Variants in ITK observed in about 807,000 individuals in gnomAD.
ITK encodes the protein IL2 inducible T cell kinase, also known as tyrosine-protein kinase ITK/TSK.
ITK carries 45 observed loss-of-function variants against 87.6 expected under a neutral mutation model. The ratio of observed to expected loss-of-function variants is 0.51; its 90% CI spans 0.40 to 0.66. The LOEUF is 0.66. Among genes scored for constraint, ITK ranks in the 30% least tolerant of loss-of-function variants. The pLI is 0.00. For missense variants in ITK, 605 were observed against 766.3 expected (o/e 0.79, Z 2.48); for synonymous variants, 303 against 273.6 (o/e 1.11, Z -1.06).
Position 157,252,619 on chromosome 5 carries a change from C to A in ITK, c.1804C>A (p.Arg602=). ...NHCWKERPED[R]PAFSRLLRQL... Reference sequence around the variant, plus strand: ...TTTCCCTCTCCAGAGACCAGAAGATCGGCCAGCCTTCTCCAGACTGCTGCG... The same window carrying A: ...TTTCCCTCTCCAGAGACCAGAAGATAGGCCAGCCTTCTCCAGACTGCTGCG... Residue 602 remains arginine (R), a synonymous_variant, in exon 17 of 17, where the codon CGG becomes AGG. Transcript: ENST00000422843. 6.2e-7 allele frequency: 1 copy of A among 1,613,784 alleles called. No homozygotes were observed. Among genetic ancestry groups the A allele is most frequent in the Non-Finnish European group, 8.5e-7 (1 of 1,179,642 alleles).
At chr5:157,222,426 G>A (rs1580893852) in intron 5 of ITK, among the ~76,000 whole-genome samples, 1 of 152,140 alleles carries the variant, frequency 6.6e-6, no homozygotes, top group East Asian at 1.9e-4. Flanking sequence ...AAATGAAAAA[G>A]TGTATTAAGT....
At chr5:157,204,310 C>A (rs1016332782) in intron 1 of ITK, among the ~76,000 whole-genome samples, 1 of 152,210 alleles carries the variant, frequency 6.6e-6, no homozygotes, top group Non-Finnish European at 1.5e-5. Context: ...CCTGTAATCC[C>A]AGCACTTTGG....
At chr5:157,215,104 T>C (rs1754272746) in intron 4 of ITK, among the ~76,000 whole-genome samples, 1 of 152,200 alleles carries the variant, frequency 6.6e-6, no homozygotes, top group African/African-American at 2.4e-5. Context: ...CTCAACCATC[T>C]GGGGTACATG....
chr5:157,227,716 A>G (rs1215337797), intron 6 of ITK, among the ~76,000 whole-genome samples: 1 of 151,668 alleles, frequency 6.6e-6, no homozygotes, highest in Admixed American at 6.6e-5. Context: ...CAGCAAACAG[A>G]GCTTTTTAAG....
At chr5:157,190,883 T>C (rs78969277) in intron 1 of ITK, among the ~76,000 whole-genome samples, 12,237 of 152,232 alleles carry the variant, frequency 0.08, 524 homozygotes, top group South Asian at 0.12. Flanking sequence ...CTGCAGGCCC[T>C]TGTGGATCAT....
chr5:157,222,945 G>A lies in ITK; in HGVS notation c.578G>A (p.Arg193Gln), dbSNP rs17054374. The change falls in exon 6 of 17, where the codon CGG becomes CAG. Residue 193 changes from arginine to glutamine, a missense_variant. By Grantham distance (43) the Arg-to-Gln change is conservative. Coordinates refer to ENST00000422843, the MANE Select transcript of ITK (RefSeq NM_005546.4). ...AATGATCCTCAGGAACTCGCACTGC[G>A]GCGCAACGAAGAGTACTGCCTGCTG... ...QTNDPQELAL[R>Q]RNEEYCLLDS... is the part of the protein sequence containing the mutation. 7.5e-4 allele frequency: 1,211 copies of A among 1,614,094 alleles called. 8 individuals are homozygous for A. In the African/African-American group the frequency reaches 0.013, roughly 17 times the overall value.
chr5:157,193,884 A>T (rs564539875), intron 1 of ITK, among the ~76,000 whole-genome samples: 41 of 150,562 alleles, frequency 2.7e-4, no homozygotes, highest in African/African-American at 9.2e-4. Flanking sequence ...AATTTTTTTT[A>T]AAAAACCACA....
At chr5:157,203,070 C>T (rs565493477) in intron 1 of ITK, among the ~76,000 whole-genome samples, 3 of 152,160 alleles carry the variant, frequency 2.0e-5, no homozygotes, top group Non-Finnish European at 4.4e-5. Flanking sequence ...GGCTCCTGTT[C>T]GACTTTTTGG....
intron 2 of ITK, 106 bp from the exon 3 acceptor site, chr5:157,211,181 T>C (rs1561653336): frequency 2.2e-6 from 2 of 889,450 alleles, no homozygotes; most frequent in Middle Eastern, 3.3e-4. Flanking sequence ...TGTTTGCCTA[T>C]ATGACGATAA....
intron 1 of ITK, among the ~76,000 whole-genome samples, chr5:157,185,581 C>G (rs1326171538): frequency 6.6e-6 from 1 of 151,888 alleles, no homozygotes; most frequent in Non-Finnish European, 1.5e-5. Flanking sequence ...CACAGAGACT[C>G]ACGCCTGCAA....
chr5:157,241,911 T>A (rs184985948), intron 11 of ITK, among the ~76,000 whole-genome samples, 191 bp downstream of exon 11: 6 of 152,212 alleles, frequency 3.9e-5, no homozygotes, highest in African/African-American at 1.2e-4. Flanking sequence ...TACAAGCACA[T>A]TTCTCTAGGT....
rs1458355048 is a variant in ITK at position 157,244,461 on chromosome 5, G to A, written c.1432G>A (p.Val478Ile). The change falls in exon 13 of 17, where the codon GTC becomes ATC. Residue 478 changes from valine to isoleucine, a missense_variant. Coordinates refer to ENST00000422843, the MANE Select transcript of ITK (RefSeq NM_005546.4). ...CATGGCCTACCTGGAAGAGGCATGT[G>A]TCATCCACAGAGACTTGGTATGAGC... is the stretch of plus-strand genomic sequence containing the variant. Reference protein sequence around the residue: ...EGMAYLEEACVIHRDLAARNC... With the variant: ...EGMAYLEEACIIHRDLAARNC... The A allele has an allele frequency of 1.2e-6, 2 of 1,606,630 alleles. No individual in the cohort carries two copies. The highest frequency in any genetic ancestry group is 1.7e-6 in the Non-Finnish European group (2 of 1,173,140).
intron 6 of ITK, among the ~76,000 whole-genome samples, chr5:157,225,274 G>A (rs1754508536): frequency 6.6e-6 from 1 of 152,064 alleles, no homozygotes; most frequent in African/African-American, 2.4e-5. Flanking sequence ...GGGATTACAG[G>A]CATAAGCCAC....
At chr5:157,223,104 G>T in intron 6 of ITK, 90 bp downstream of exon 6, 1 of 1,470,598 alleles carries the variant, frequency 6.8e-7, no homozygotes, top group Non-Finnish European at 9.5e-7. Flanking sequence ...CTCCCACAGT[G>T]TAACCACAGC....
intron 1 of ITK, 112 bp downstream of exon 1, chr5:157,181,227 T>C: frequency 8.9e-7 from 1 of 1,123,042 alleles, no homozygotes; most frequent in Admixed American, 1.7e-5. Context: ...ACAAACATGC[T>C]TATTGTAACA....
At chr5:157,189,004 A>T (rs163424) in intron 1 of ITK, among the ~76,000 whole-genome samples, 15,060 of 152,172 alleles carry the variant, frequency 0.099, 877 homozygotes, top group Middle Eastern at 0.14. Flanking sequence ...ATCAGTAAAT[A>T]TCCGGGGAAT....
chr5:157,209,100 T>A (rs552937580), intron 2 of ITK, 107 bp downstream of exon 2: 1 of 782,586 alleles, frequency 1.3e-6, no homozygotes, highest in East Asian at 2.6e-5. Flanking sequence ...CTTTGGGAGG[T>A]TGAGGCAGGC....
Position 157,244,395 on chromosome 5 carries a change from G to T in ITK, c.1366G>T (p.Ala456Ser). ...ACGCACCCAGCGGGGACTTTTTGCT[G>T]CAGAGACCCTGCTGGGCATGTGTCT... The part of the protein sequence containing the change: ...YLRTQRGLFA[A>S]ETLLGMCLDV... Residue 456 changes from alanine (A) to serine (S), a missense_variant, in exon 13 of 17, where the codon GCA becomes TCA. Transcript: ENST00000422843. 1 of 1,614,024 alleles carries T rather than the reference G, an allele frequency of 6.2e-7. No individual in the cohort carries two copies. Among genetic ancestry groups the T allele is most frequent in the Non-Finnish European group, 8.5e-7 (1 of 1,179,912 alleles).
intron 1 of ITK, among the ~76,000 whole-genome samples, chr5:157,208,101 G>A (rs536268888): frequency 1.3e-5 from 2 of 152,128 alleles, no homozygotes; most frequent in Non-Finnish European, 2.9e-5. Context: ...CCATCCAGAA[G>A]CACTTTCCTA....
Sources: allele counts gnomAD v4.1 joint callset (sites outside exome capture counted in the v4.1 genomes callset), GRCh38; gene constraint gnomAD v4.1.1; transcripts MANE v1.5; gene names NCBI Gene and HGNC (gene_info 2026-07-23, HGNC 2026-07-21).